Variants in JMY observed in about 807,000 individuals in gnomAD.
The protein encoded by JMY is junction mediating and regulatory protein, p53 cofactor, also known as junction-mediating and -regulatory protein.
A neutral mutation model predicts 103.3 loss-of-function variants in JMY; 46 were observed. That is an observed-to-expected ratio of 0.45 (90% CI 0.35 to 0.57). The LOEUF is 0.57. JMY is among the 20% of genes least tolerant of loss of function. The pLI is 0.00. For synonymous variants in JMY, 526 were observed against 489.3 expected, an observed-to-expected ratio of 1.07 and a Z score of -0.99; for missense variants, 1,238 against 1,255.2, an observed-to-expected ratio of 0.99 and a Z score of 0.21.
At chr5:79,274,402 T>TGTTTG (rs1561299689) in intron 1 of JMY, among the ~76,000 whole-genome samples, 2 of 151,944 alleles carry the variant, frequency 1.3e-5, no homozygotes, top group African/African-American at 4.8e-5. Flanking sequence ...TAGTGTTTTT[T>TGTTTG]TTTGTTTGTT....
intron 2 of JMY, among the ~76,000 whole-genome samples, chr5:79,279,238 G>C (rs1458383282): frequency 6.6e-6 from 1 of 152,098 alleles, no homozygotes; most frequent in Non-Finnish European, 1.5e-5. Flanking sequence ...AAGGGCTGAG[G>C]CAGGAGAATC....
chr5:79,258,339 C>T (rs1412321769), intron 1 of JMY, among the ~76,000 whole-genome samples: 3 of 133,482 alleles, frequency 2.2e-5, no homozygotes, highest in Middle Eastern at 4.5e-3. Flanking sequence ...TTGACAGGGT[C>T]TCCCTCTGGC....
intron 2 of JMY, among the ~76,000 whole-genome samples, chr5:79,285,087 C>T (rs1023643259): frequency 6.6e-5 from 10 of 152,122 alleles, no homozygotes; most frequent in Non-Finnish European, 1.3e-4. Flanking sequence ...GATTGTCCAA[C>T]TTATTTTTAA....
intron 4 of JMY, among the ~76,000 whole-genome samples, chr5:79,298,121 TAGCAG>T: frequency 6.6e-6 from 1 of 152,136 alleles, no homozygotes; most frequent in East Asian, 1.9e-4. Context: ...GGGAAGAACT[TAGCAG>T]AGCATCATGA....
At chr5:79,294,798 C>T (rs1002748484) in intron 4 of JMY, among the ~76,000 whole-genome samples, 1 of 150,358 alleles carries the variant, frequency 6.7e-6, no homozygotes, top group Non-Finnish European at 1.5e-5. Flanking sequence ...GCACAGGTTG[C>T]AGTGAGTCGA....
chr5:79,307,503 G>T (rs374521044), intron 7 of JMY, among the ~76,000 whole-genome samples: 1 of 152,034 alleles, frequency 6.6e-6, no homozygotes, highest in Admixed American at 6.5e-5. Context: ...TTAAGAGATG[G>T]AGTCTTGATA....
intron 8 of JMY, 23 bp downstream of exon 8, chr5:79,312,521 TA>T (rs760511543): frequency 2.3e-6 from 3 of 1,324,618 alleles, no homozygotes; most frequent in South Asian, 1.5e-5. Context: ...ATGGTCCATT[TA>T]TTGTTTTTCT....
chr5:79,273,635 A>G (rs1191291860), intron 1 of JMY, among the ~76,000 whole-genome samples: 1 of 152,172 alleles, frequency 6.6e-6, no homozygotes, highest in Non-Finnish European at 1.5e-5. Context: ...TCAGTTCAAT[A>G]TATGTTAAGA....
intron 10 of JMY, among the ~76,000 whole-genome samples, 193 bp downstream of exon 10, chr5:79,316,503 AATG>A (rs1236222779): frequency 6.6e-6 from 1 of 152,128 alleles, no homozygotes; most frequent in Non-Finnish European, 1.5e-5. Flanking sequence ...ATAACTTTTT[AATG>A]ATTATTGCTA....
At chr5:79,249,055 G>C (rs147180173) in intron 1 of JMY, among the ~76,000 whole-genome samples, 266 of 152,282 alleles carry the variant, frequency 1.7e-3, no homozygotes, top group African/African-American at 5.5e-3. Context: ...GAGCCACTGT[G>C]CCTGCCCTTT....
chr5:79,279,428 T>C (rs1746044929), intron 2 of JMY, among the ~76,000 whole-genome samples: 1 of 152,236 alleles, frequency 6.6e-6, no homozygotes, highest in South Asian at 2.1e-4. Context: ...TGACCTTAAA[T>C]GTTATGTGTA....
intron 2 of JMY, among the ~76,000 whole-genome samples, chr5:79,285,453 G>A (rs953709811): frequency 3.9e-5 from 6 of 152,074 alleles, no homozygotes; most frequent in Middle Eastern, 3.2e-3. Context: ...ACCACTGTAT[G>A]CATCCACCGC....
intron 1 of JMY, among the ~76,000 whole-genome samples, chr5:79,271,772 T>G (rs777813409): frequency 6.6e-6 from 1 of 152,172 alleles, no homozygotes; most frequent in Non-Finnish European, 1.5e-5. Flanking sequence ...TGTACACATA[T>G]GATTGTTGTG....
At position 79,324,141 on chromosome 5, in the gene JMY, T is replaced by C. The variant is rs1466860461; in HGVS notation, c.*2539T>C. 2.0e-5 allele frequency: 3 copies of C among 152,260 alleles called. No homozygotes were observed. The highest frequency in any genetic ancestry group is 7.2e-5 in the African/African-American group (3 of 41,474). The allele number at this position is 152,260 out of a possible 1,614,324, so 9.4% of individuals were successfully genotyped here. A position where few individuals can be genotyped will look rare whatever the true frequency, so the allele number is the denominator to read the frequency against. ...ACTAGGGTCTACTTGTCCATCAAGA[T>C]GACATTACCAGTGGAACCCACCTGT... On this transcript the variant is annotated 3_prime_UTR_variant, in exon 11 of 11. Coordinates refer to ENST00000396137, the MANE Select transcript of JMY (RefSeq NM_152405.5).
intron 10 of JMY, among the ~76,000 whole-genome samples, chr5:79,319,575 T>C (rs1747370744): frequency 2.1e-4 from 1 of 4,804 alleles, no homozygotes; most frequent in Non-Finnish European, 4.5e-4. Context: ...TTTTTTTTTC[T>C]CTCTCTCTTT....
At chr5:79,308,321 G>A (rs1287865869) in intron 7 of JMY, among the ~76,000 whole-genome samples, 1 of 152,100 alleles carries the variant, frequency 6.6e-6, no homozygotes, top group Non-Finnish European at 1.5e-5. Flanking sequence ...TTGCTCCTAT[G>A]TTATCTTTTA....
chr5:79,236,627 C>G lies in JMY; in HGVS notation c.-24C>G, dbSNP rs1343123360. On this transcript the variant is annotated 5_prime_UTR_variant, in exon 1 of 11. Transcript: ENST00000396137. ...GGCGGGCCGGGCCGGCGGCCCTTCC[C>G]CGCGGCGAGAAGCCGGAGCCACCAT... 1.5e-6 allele frequency: 2 copies of G among 1,366,098 alleles called. No homozygotes were observed. The highest frequency in any genetic ancestry group is 9.6e-7 in the Non-Finnish European group (1 of 1,044,894). The allele number at this position is 1,366,098 out of a possible 1,614,324, so 84.6% of individuals were successfully genotyped here.
chr5:79,280,387 A>T (rs6866405), intron 2 of JMY, among the ~76,000 whole-genome samples: 1 of 152,152 alleles, frequency 6.6e-6, no homozygotes, highest in East Asian at 1.9e-4. Context: ...TTGTCAGCCT[A>T]TATTGTCCAC....
At chr5:79,250,457 T>C (rs1157609263) in intron 1 of JMY, among the ~76,000 whole-genome samples, 1 of 152,196 alleles carries the variant, frequency 6.6e-6, no homozygotes, top group Non-Finnish European at 1.5e-5. Context: ...TATTTACCTT[T>C]ACTTTGTTTG....
Sources: gnomAD v4.1 joint callset for allele counts (sites outside exome capture counted in the v4.1 genomes callset) on GRCh38, gnomAD v4.1.1 for gene constraint, MANE v1.5 for transcripts, NCBI Gene and HGNC (gene_info 2026-07-23, HGNC 2026-07-21) for gene names.